INPP4B: variants seen among roughly 807,000 people sequenced by gnomAD.
INPP4B encodes inositol polyphosphate-4-phosphatase type II B.
INPP4B carries 55 observed loss-of-function variants against 122.5 expected under a neutral mutation model. The ratio of observed to expected loss-of-function variants is 0.45; its 90% CI spans 0.36 to 0.56. INPP4B has a LOEUF of 0.56. Among genes scored for constraint, INPP4B ranks in the 20% least tolerant of loss-of-function variants. INPP4B has a pLI of 0.00. For missense variants in INPP4B, 1,000 were observed against 1,097.7 expected, an observed-to-expected ratio of 0.91 and a Z score of 1.26; for synonymous variants, 403 against 388.7, an observed-to-expected ratio of 1.04 and a Z score of -0.43.
chr4:142,619,527 A>C (rs1744427156), intron 2 of INPP4B, among the ~76,000 whole-genome samples: 10 of 152,124 alleles, frequency 6.6e-5, no homozygotes, highest in Admixed American at 6.6e-4. Flanking sequence ...TAAAGGAGTT[A>C]TATAAAAGAG....
chr4:142,123,794 A>G (rs576867063), intron 19 of INPP4B, among the ~76,000 whole-genome samples: 50 of 152,296 alleles, frequency 3.3e-4, no homozygotes, highest in African/African-American at 1.2e-3. Flanking sequence ...AAAGAACACA[A>G]TGACGAAACA....
chr4:142,061,897 T>C (rs1353249002), intron 25 of INPP4B, among the ~76,000 whole-genome samples: 13 of 1,982 alleles, frequency 6.6e-3, no homozygotes, highest in Admixed American at 8.5e-3. Context: ...TATATATATA[T>C]ATATATATAT....
intron 23 of INPP4B, among the ~76,000 whole-genome samples, chr4:142,105,632 T>C (rs1305120491): frequency 6.6e-6 from 1 of 152,116 alleles, no homozygotes; most frequent in Non-Finnish European, 1.5e-5. Flanking sequence ...GTTAAGAAAA[T>C]CTTTGGAGAA....
intron 2 of INPP4B, among the ~76,000 whole-genome samples, chr4:142,667,202 T>C (rs1317851471): frequency 6.6e-6 from 1 of 152,212 alleles, no homozygotes; most frequent in Non-Finnish European, 1.5e-5. Context: ...TCTACTCAAT[T>C]GTAGCCCTCC....
At chr4:142,255,067 A>C (rs1196522168) in intron 11 of INPP4B, among the ~76,000 whole-genome samples, 1 of 151,954 alleles carries the variant, frequency 6.6e-6, no homozygotes, top group Non-Finnish European at 1.5e-5. Flanking sequence ...CTTAAAGAAA[A>C]GAATTTTCAA....
chr4:142,720,830 G>GTTTTCTTATTTTTTATT (rs1764539179), intron 2 of INPP4B, among the ~76,000 whole-genome samples: 1 of 33,168 alleles, frequency 3.0e-5, no homozygotes, highest in Admixed American at 3.7e-4. Flanking sequence ...TATATATATA[G>GTTTTCTTATTTTTTATT]TTTTCTTATT....
At chr4:142,810,073 G>T (rs184866627) in intron 1 of INPP4B, among the ~76,000 whole-genome samples, 132 of 151,742 alleles carry the variant, frequency 8.7e-4, no homozygotes, top group East Asian at 1.7e-3. Context: ...GGGGGGCTGA[G>T]GCAGGAGAAT....
At chr4:142,808,244 C>G (rs978517357) in intron 1 of INPP4B, among the ~76,000 whole-genome samples, 1 of 152,086 alleles carries the variant, frequency 6.6e-6, no homozygotes, top group African/African-American at 2.4e-5. Context: ...AAATAATTAC[C>G]AAATAAGGTT....
At chr4:142,508,086 CA>C (rs1824241133) in intron 2 of INPP4B, among the ~76,000 whole-genome samples, 1 of 152,038 alleles carries the variant, frequency 6.6e-6, no homozygotes, top group Non-Finnish European at 1.5e-5. Context: ...GCCAGTTTTA[CA>C]ACCAAGGAAC....
intron 2 of INPP4B, among the ~76,000 whole-genome samples, chr4:142,615,101 C>T (rs563151571): frequency 1.3e-5 from 2 of 152,062 alleles, no homozygotes; most frequent in African/African-American, 4.8e-5. Context: ...GTAAGTTTAT[C>T]GCAGCACTAT....
chr4:142,797,707 T>A (rs1335977478), intron 1 of INPP4B, among the ~76,000 whole-genome samples: 2 of 151,998 alleles, frequency 1.3e-5, no homozygotes, highest in Non-Finnish European at 2.9e-5. Flanking sequence ...AATCATTTTG[T>A]CATTTTTATC....
At chr4:142,043,494 G>A (rs1288568325) in intron 25 of INPP4B, among the ~76,000 whole-genome samples, 2 of 152,054 alleles carry the variant, frequency 1.3e-5, no homozygotes, top group African/African-American at 4.8e-5. Context: ...TATAGTGAAG[G>A]CCGGATAGGG....
At chr4:142,481,605 T>C (rs537917042) in intron 2 of INPP4B, among the ~76,000 whole-genome samples, 2 of 152,290 alleles carry the variant, frequency 1.3e-5, no homozygotes, top group African/African-American at 4.8e-5. Flanking sequence ...TCAAAGCATA[T>C]TTGTTATGTG....
At chr4:142,033,011 T>C (rs1247159074) in intron 25 of INPP4B, among the ~76,000 whole-genome samples, 3 of 150,996 alleles carry the variant, frequency 2.0e-5, no homozygotes, top group African/African-American at 4.9e-5. Context: ...TCCTTGGGAG[T>C]AGCAAGAAAA....
intron 2 of INPP4B, among the ~76,000 whole-genome samples, chr4:142,684,576 T>G (rs2150696642): frequency 6.6e-6 from 1 of 151,912 alleles, no homozygotes; most frequent in African/African-American, 2.4e-5. Flanking sequence ...GCCATAAAAC[T>G]GAGAAAGGTC....
chr4:142,193,330 C>T lies in INPP4B; in HGVS notation c.1073-135G>A, dbSNP rs1836796303. On this transcript the variant is annotated intron_variant, in intron 14 of 25. Transcript: ENST00000262992. ...AATTTTTTAGGAATAACTATGAACTCACATCTCAAGGGGGAAAGAGGAGCT... is the reference window on the plus strand; with the variant it reads ...AATTTTTTAGGAATAACTATGAACTTACATCTCAAGGGGGAAAGAGGAGCT... 1.4e-5 allele frequency: 8 copies of T among 581,126 alleles called. No individual in the cohort carries two copies. The South Asian group carries it at 1.9e-4, about 14-fold the overall frequency. 36.0% of individuals were successfully genotyped at this position (581,126 alleles called of 1,614,324 possible). A position where few individuals can be genotyped will look rare whatever the true frequency, so the allele number is the denominator to read the frequency against.
chr4:142,331,629 A>G (rs1433944877), intron 7 of INPP4B, among the ~76,000 whole-genome samples: 2 of 152,202 alleles, frequency 1.3e-5, no homozygotes, highest in Admixed American at 6.5e-5. Flanking sequence ...AACAAGCACT[A>G]TCTATTCGAT....
chr4:142,685,539 G>T (rs1017541779), intron 2 of INPP4B, among the ~76,000 whole-genome samples: 1 of 152,070 alleles, frequency 6.6e-6, no homozygotes, highest in Non-Finnish European at 1.5e-5. Context: ...AAGTGGTCAA[G>T]AGTTTCACTT....
At chr4:142,505,760 A>G (rs747093434) in intron 2 of INPP4B, among the ~76,000 whole-genome samples, 6 of 152,136 alleles carry the variant, frequency 3.9e-5, no homozygotes, top group Non-Finnish European at 5.9e-5. Context: ...CTATGTTTAA[A>G]TCCTCCTTCT....
Sources: gnomAD v4.1 joint callset for allele counts (sites outside exome capture counted in the v4.1 genomes callset) on GRCh38, gnomAD v4.1.1 for gene constraint, MANE v1.5 for transcripts, NCBI Gene and HGNC (gene_info 2026-07-23, HGNC 2026-07-21) for gene names.